DSCAML1: variants seen among roughly 807,000 people sequenced by gnomAD.
DSCAML1 encodes the protein DS cell adhesion molecule like 1.
A neutral mutation model predicts 200.5 loss-of-function variants in DSCAML1; 38 were observed. The observed-to-expected ratio is 0.19, with a 90% CI of 0.15 to 0.25. The LOEUF is 0.25. DSCAML1 is among the 10% of genes least tolerant of loss of function. The pLI is 1.00. For missense variants in DSCAML1, 2,223 were observed against 2,858.8 expected, an observed-to-expected ratio of 0.78 and a Z score of 5.07; for synonymous variants, 1,215 against 1,165.0, an observed-to-expected ratio of 1.04 and a Z score of -0.87.
rs58801065 is a variant in DSCAML1 at position 117,476,709 on chromosome 11, G to A, written c.2785+3734C>T. ...GCGTGGATGGTGCTATTTATCATTC[G>A]GCATTCATGTATTATTACTCTGCTG... On this transcript the variant is annotated intron_variant, in intron 14 of 32. Coordinates refer to ENST00000651296, the MANE Select transcript of DSCAML1 (RefSeq NM_020693.4). 4.1e-3 allele frequency among the ~76,000 whole-genome samples: 624 copies of A among 152,268 alleles called. 3 individuals carry two copies. The highest frequency in any genetic ancestry group is 0.014 in the African/African-American group (576 of 41,534).
At chr11:117,471,783 C>A in intron 15 of DSCAML1, 86 bp downstream of exon 15, 1 of 1,481,690 alleles carries the variant, frequency 6.7e-7, no homozygotes, top group Middle Eastern at 2.4e-4. Context: ...ACTGCAAGCT[C>A]ATTGCCAGTG....
At chr11:117,817,100 CT>C (rs2055817145) in intron 1 of DSCAML1, among the ~76,000 whole-genome samples, 1 of 152,230 alleles carries the variant, frequency 6.6e-6, no homozygotes, top group South Asian at 2.1e-4. Flanking sequence ...GGACTGGCTG[CT>C]GGCTCACAGG....
chr11:117,765,276 A>G (rs2054875401), intron 3 of DSCAML1, among the ~76,000 whole-genome samples: 1 of 152,196 alleles, frequency 6.6e-6, no homozygotes, highest in Admixed American at 6.5e-5. Flanking sequence ...AGAGACCCGT[A>G]TTTAAGTTCC....
chr11:117,721,675 A>C (rs1209174430), intron 3 of DSCAML1, among the ~76,000 whole-genome samples: 3 of 147,852 alleles, frequency 2.0e-5, no homozygotes, highest in South Asian at 4.2e-4. Flanking sequence ...ATATATAAAT[A>C]TATAAGCATA....
intron 12 of DSCAML1, 21 bp from the exon 13 acceptor site, chr11:117,481,291 G>A: frequency 6.2e-7 from 1 of 1,611,990 alleles, no homozygotes; most frequent in East Asian, 2.2e-5. Context: ...ACCAGCAGGG[G>A]CAGGAGAGGG....
intron 3 of DSCAML1, among the ~76,000 whole-genome samples, chr11:117,746,954 G>A (rs1244946653): frequency 6.6e-6 from 1 of 152,166 alleles, no homozygotes; most frequent in Non-Finnish European, 1.5e-5. Flanking sequence ...AGAAAGTATG[G>A]GTCAGCGAGA....
At chr11:117,666,712 T>A (rs1474794729) in intron 3 of DSCAML1, among the ~76,000 whole-genome samples, 1 of 152,138 alleles carries the variant, frequency 6.6e-6, no homozygotes, top group Non-Finnish European at 1.5e-5. Flanking sequence ...GTGCATTGTC[T>A]AAAGGAAGGT....
At chr11:117,541,095 C>T (rs12272336) in intron 3 of DSCAML1, among the ~76,000 whole-genome samples, 146 of 152,352 alleles carry the variant, frequency 9.6e-4, no homozygotes, top group Middle Eastern at 6.8e-3. Context: ...TTTTAAAATG[C>T]GTGTGTCTGC....
At chr11:117,793,753 A>G (rs995146488) in intron 1 of DSCAML1, among the ~76,000 whole-genome samples, 2 of 152,174 alleles carry the variant, frequency 1.3e-5, no homozygotes, top group African/African-American at 4.8e-5. Flanking sequence ...GTTCAACTTA[A>G]GCGCCGCCTT....
intron 1 of DSCAML1, among the ~76,000 whole-genome samples, chr11:117,813,426 T>G (rs1171463096): frequency 6.6e-6 from 1 of 152,206 alleles, no homozygotes; most frequent in Non-Finnish European, 1.5e-5. Flanking sequence ...TTATACTGTT[T>G]CTCCAAGCCA....
chr11:117,706,361 C>T (rs935460509), intron 3 of DSCAML1, among the ~76,000 whole-genome samples: 2 of 152,170 alleles, frequency 1.3e-5, no homozygotes, highest in African/African-American at 2.4e-5. Flanking sequence ...AGCCTACAGG[C>T]GTACAGAGAT....
chr11:117,813,974 C>T (rs953818385), intron 1 of DSCAML1, among the ~76,000 whole-genome samples: 1 of 152,214 alleles, frequency 6.6e-6, no homozygotes, highest in Admixed American at 6.5e-5. Context: ...CTTGAAGTAA[C>T]TGAAGAATCA....
chr11:117,740,862 G>A (rs923392217), intron 3 of DSCAML1, among the ~76,000 whole-genome samples: 95 of 152,376 alleles, frequency 6.2e-4, no homozygotes, highest in African/African-American at 2.1e-3. Context: ...TTGACCAGAA[G>A]CAGGGGTTGG....
intron 3 of DSCAML1, among the ~76,000 whole-genome samples, chr11:117,627,209 C>T (rs2052065442): frequency 6.6e-6 from 1 of 152,182 alleles, no homozygotes; most frequent in Non-Finnish European, 1.5e-5. Flanking sequence ...TCCTGCCCAT[C>T]AGAACGGAGA....
intron 3 of DSCAML1, among the ~76,000 whole-genome samples, chr11:117,639,356 A>G (rs1262533207): frequency 9.5e-5 from 12 of 125,976 alleles, no homozygotes; most frequent in Non-Finnish European, 1.7e-4. Context: ...GGGAGGTTGG[A>G]TGGATGGGAG....
chr11:117,754,044 A>C (rs1202242921), intron 3 of DSCAML1, among the ~76,000 whole-genome samples: 1 of 152,204 alleles, frequency 6.6e-6, no homozygotes, highest in Non-Finnish European at 1.5e-5. Flanking sequence ...AGAGGCAGCA[A>C]GAAAAGATCC....
intron 3 of DSCAML1, among the ~76,000 whole-genome samples, chr11:117,741,565 T>C (rs1036542489): frequency 1.3e-5 from 2 of 152,250 alleles, no homozygotes; most frequent in South Asian, 2.1e-4. Context: ...GTTATTCCCA[T>C]TGACAAATGA....
intron 1 of DSCAML1, among the ~76,000 whole-genome samples, chr11:117,787,013 G>A (rs568782407): frequency 8.5e-5 from 13 of 152,292 alleles, no homozygotes; most frequent in East Asian, 3.9e-4. Context: ...TTAGCTCCCC[G>A]AGGGCAGTGA....
intron 11 of DSCAML1, among the ~76,000 whole-genome samples, chr11:117,485,561 C>G (rs12574158): frequency 0.11 from 17,170 of 152,246 alleles, 1,196 homozygotes; most frequent in South Asian, 0.24. Flanking sequence ...CTGTGAGCCC[C>G]ACGGAGCATT....
Sources: gnomAD v4.1 joint callset for allele counts (sites outside exome capture counted in the v4.1 genomes callset) on GRCh38, gnomAD v4.1.1 for gene constraint, MANE v1.5 for transcripts, NCBI Gene and HGNC (gene_info 2026-07-23, HGNC 2026-07-21) for gene names.